PRKD3: variants seen among roughly 807,000 people sequenced by gnomAD.
PRKD3 encodes protein kinase D3, also known as serine/threonine-protein kinase D3.
A neutral mutation model predicts 99.2 loss-of-function variants in PRKD3; 47 were observed. The observed-to-expected ratio is 0.47, with a 90% CI of 0.38 to 0.60. The LOEUF (loss-of-function observed/expected upper bound fraction) is 0.60, where lower values mean the gene tolerates loss of function less well. PRKD3 is among the 20% of genes least tolerant of loss of function. The pLI is 0.00. For missense variants in PRKD3, 1,019 were observed against 1,088.4 expected (o/e 0.94, Z 0.90); for synonymous variants, 392 against 355.4 (o/e 1.10, Z -1.16).
At chr2:37,268,412 G>A (rs778088954) in intron 13 of PRKD3, 1 of 462,806 alleles carries the variant, frequency 2.2e-6, no homozygotes, top group African/African-American at 2.0e-5. Context: ...TGCATGCAGA[G>A]TCAACACATT....
intron 2 of PRKD3, among the ~76,000 whole-genome samples, chr2:37,295,132 C>T (rs1327141803): frequency 1.3e-5 from 2 of 152,054 alleles, no homozygotes; most frequent in African/African-American, 4.8e-5. Context: ...AAACTGATTT[C>T]AAAAAGGCAT....
chr2:37,307,034 A>T (rs1671199188), intron 2 of PRKD3, among the ~76,000 whole-genome samples: 1 of 152,152 alleles, frequency 6.6e-6, no homozygotes, highest in Non-Finnish European at 1.5e-5. Flanking sequence ...CATTATTAAC[A>T]TTTTGGGCCA....
chr2:37,299,427 T>C (rs1670814838), intron 2 of PRKD3, among the ~76,000 whole-genome samples: 1 of 151,766 alleles, frequency 6.6e-6, no homozygotes, highest in Non-Finnish European at 1.5e-5. Context: ...CCTAGCACTC[T>C]GGGAGGCCAA....
chr2:37,280,404 A>G (rs1310047936), intron 7 of PRKD3, among the ~76,000 whole-genome samples: 1 of 152,236 alleles, frequency 6.6e-6, no homozygotes, highest in Non-Finnish European at 1.5e-5. Context: ...CACAAAGTTA[A>G]TTAATTTGAT....
intron 2 of PRKD3, among the ~76,000 whole-genome samples, chr2:37,311,282 C>T (rs949948850): frequency 1.3e-5 from 2 of 152,182 alleles, no homozygotes; most frequent in African/African-American, 4.8e-5. Flanking sequence ...GGTGACAGCT[C>T]TCCTTCCTGA....
At chr2:37,308,620 A>G (rs1294277613) in intron 2 of PRKD3, among the ~76,000 whole-genome samples, 2 of 151,320 alleles carry the variant, frequency 1.3e-5, no homozygotes, top group South Asian at 4.2e-4. Flanking sequence ...ACACCTGGCT[A>G]GTTTTTGTAT....
rs147185904 is a variant in PRKD3, at chr2:37,320,100, T to C, written c.-655-2921A>G. ...TATGCTAAACACATAAAGTGAGATA[T>C]GATACTTTATTAAATCCTTGCAACA... On this transcript the variant is annotated intron_variant, in intron 1 of 18. Coordinates refer to ENST00000234179, the MANE Select transcript of PRKD3 (RefSeq NM_005813.6). Among the ~76,000 whole-genome samples the C allele has an allele frequency of 5.1e-3, 781 of 152,346 alleles. 6 individuals are homozygous for C. Among genetic ancestry groups the C allele is most frequent in the Non-Finnish European group, 7.0e-3 (478 of 68,026 alleles).
chr2:37,301,400 G>A (rs1328671818), intron 2 of PRKD3, among the ~76,000 whole-genome samples: 1 of 151,746 alleles, frequency 6.6e-6, no homozygotes, highest in Non-Finnish European at 1.5e-5. Context: ...ATTTGAAAAG[G>A]AGAAAATATT....
chr2:37,313,410 A>G (rs1340822851), intron 2 of PRKD3, among the ~76,000 whole-genome samples: 6 of 152,226 alleles, frequency 3.9e-5, no homozygotes, highest in African/African-American at 9.6e-5. Flanking sequence ...ATGTAATTCA[A>G]AAGAAGGCAG....
intron 1 of PRKD3, chr2:37,324,168 G>C: frequency 1.0e-6 from 1 of 985,224 alleles, no homozygotes; most frequent in Non-Finnish European, 1.2e-6. Flanking sequence ...GGGGCGAGGG[G>C]CTTACATTCT....
At chr2:37,321,377 T>C (rs1671876188) in intron 1 of PRKD3, among the ~76,000 whole-genome samples, 1 of 152,180 alleles carries the variant, frequency 6.6e-6, no homozygotes, top group Admixed American at 6.5e-5. Flanking sequence ...TGTCCTATTT[T>C]ACAGACAAGG....
In PRKD3 at chr2:37,272,464, T is replaced by C. The variant is rs565532611; in HGVS notation, c.1652-32A>G. The C allele has an allele frequency of 3.1e-5, 49 of 1,579,018 alleles. No individual in the cohort carries two copies. The South Asian group carries it at 4.5e-4, about 14-fold the overall frequency. On this transcript the variant is annotated intron_variant, in intron 11 of 18. Coordinates refer to ENST00000234179, the MANE Select transcript of PRKD3 (RefSeq NM_005813.6). ...AATATAAAAAAGACAAAATTTAGTA[T>C]ATGACAATATTATTAATCTTTACTG...
chr2:37,300,419 A>G (rs956035796), intron 2 of PRKD3, among the ~76,000 whole-genome samples: 1 of 152,216 alleles, frequency 6.6e-6, no homozygotes, highest in African/African-American at 2.4e-5. Context: ...AATGATTACA[A>G]AACTACAGTT....
chr2:37,283,046 A>T (rs1361244479), intron 6 of PRKD3, among the ~76,000 whole-genome samples: 1 of 152,222 alleles, frequency 6.6e-6, no homozygotes, highest in Non-Finnish European at 1.5e-5. Context: ...TTTCACATAC[A>T]ACCCTGTGAG....
Position 37,251,037 on chromosome 2 carries a change from A to C in PRKD3, c.*2140T>G, listed in dbSNP as rs1412260402. On this transcript the variant is annotated 3_prime_UTR_variant, in exon 19 of 19. Coordinates refer to ENST00000234179, the MANE Select transcript of PRKD3 (RefSeq NM_005813.6). ...TAAAGTTTGACTATGTAAGTATAGC[A>C]AACAAACATCGTTCCAGTTAATTTT... is the stretch of plus-strand genomic sequence containing the variant. 6.6e-6 allele frequency: 1 copy of C among 152,574 alleles called. No individual in the cohort carries two copies. Among genetic ancestry groups the C allele is most frequent in the African/African-American group, 2.4e-5 (1 of 41,396 alleles). 9.5% of individuals were successfully genotyped at this position (152,574 alleles called of 1,614,324 possible).
rs1670718475 is a variant in PRKD3, at chr2:37,297,355, A to T, written c.289-4084T>A. Among the ~76,000 whole-genome samples, 5 of 152,190 alleles carry T rather than the reference A, an allele frequency of 3.3e-5. No homozygotes were observed. In the South Asian group the frequency reaches 8.3e-4, roughly 25 times the overall value. On this transcript the variant is annotated intron_variant, in intron 2 of 18. Transcript: ENST00000234179. Reference sequence around the variant, plus strand: ...ATAATCTATTTTTAAAAATAGTTTAAAATTTATAGAAAATGTAGACAATAA... The same window carrying T: ...ATAATCTATTTTTAAAAATAGTTTATAATTTATAGAAAATGTAGACAATAA...
intron 14 of PRKD3, among the ~76,000 whole-genome samples, chr2:37,266,936 G>C (rs115293758): frequency 6.6e-6 from 1 of 152,112 alleles, no homozygotes; most frequent in East Asian, 1.9e-4. Flanking sequence ...CCGCCCCCAA[G>C]GGGTAAAAAT....
At chr2:37,268,485 C>T (rs1345179479) in intron 13 of PRKD3, 4 of 376,854 alleles carry the variant, frequency 1.1e-5, no homozygotes, top group African/African-American at 8.6e-5. Context: ...ATCCAGACAT[C>T]TCACAGCCAA....
chr2:37,311,212 T>C (rs979473537), intron 2 of PRKD3, among the ~76,000 whole-genome samples: 2 of 152,224 alleles, frequency 1.3e-5, no homozygotes, highest in African/African-American at 4.8e-5. Flanking sequence ...GGTGAAGTAC[T>C]ACAGTTGGTG....
Sources: gnomAD v4.1 joint callset for allele counts (sites outside exome capture counted in the v4.1 genomes callset) on GRCh38, gnomAD v4.1.1 for gene constraint, MANE v1.5 for transcripts, NCBI Gene and HGNC (gene_info 2026-07-23, HGNC 2026-07-21) for gene names.